OR51A7: variants seen among roughly 807,000 people sequenced by gnomAD.
OR51A7 encodes olfactory receptor family 51 subfamily A member 7.
For synonymous variants in OR51A7, 143 were observed against 135.5 expected, an observed-to-expected ratio of 1.05 and a Z score of -0.38; for missense variants, 409 against 374.5, an observed-to-expected ratio of 1.09 and a Z score of -0.76.
Position 4,908,792 on chromosome 11 carries a change from A to G in OR51A7, c.*484A>G, listed in dbSNP as rs548853256. 1.8e-5 allele frequency: 3 copies of G among 162,700 alleles called. No individual in the cohort carries two copies. Among genetic ancestry groups the G allele is most frequent in the East Asian group, 1.7e-4 (1 of 5,752 alleles). 10.1% of individuals were successfully genotyped at this position (162,700 alleles called of 1,614,324 possible). On this transcript the variant is annotated 3_prime_UTR_variant, in exon 2 of 2. Coordinates refer to ENST00000641490, the MANE Select transcript of OR51A7 (RefSeq NM_001004749.2). Reference sequence around the variant, plus strand: ...GTGAACCAGATTTTGGAGCACCTAAAAAAAGCTTTGAAAAGTCTAAATTCA... The same window carrying G: ...GTGAACCAGATTTTGGAGCACCTAAGAAAAGCTTTGAAAAGTCTAAATTCA...
chr11:4,907,090 C>G (rs953429347), intron 1 of OR51A7, among the ~76,000 whole-genome samples: 3 of 11,630 alleles, frequency 2.6e-4, no homozygotes, highest in African/African-American at 6.4e-4. Flanking sequence ...GAGCAAAACT[C>G]CCTCTAAAAA....
rs1850945176 is a variant in OR51A7, at chr11:4,908,677, G to T, written c.*369G>T. 1 of 286,028 alleles carries T rather than the reference G, an allele frequency of 3.5e-6. No homozygotes were observed. Among genetic ancestry groups the T allele is most frequent in the Non-Finnish European group, 6.7e-6 (1 of 148,828 alleles). 17.7% of individuals were successfully genotyped at this position (286,028 alleles called of 1,614,324 possible). On this transcript the variant is annotated 3_prime_UTR_variant, in exon 2 of 2. Transcript: ENST00000641490. ...ACAAAGTCTAATCTCATACTGTCAA[G>T]GAAAGGTAAAATAGCTATGAAGGAT... is the stretch of plus-strand genomic sequence containing the variant.
At position 4,907,387 on chromosome 11, in the gene OR51A7, C is replaced by G; in HGVS notation, c.18C>G (p.Asn6Lys). 1 of 1,612,586 alleles carries G rather than the reference C, an allele frequency of 6.2e-7. No individual in the cohort carries two copies. Among genetic ancestry groups the G allele is most frequent in the South Asian group, 1.1e-5 (1 of 91,040 alleles). ...CCCTCATTATGTCTGTTCTCAATAACTCCGAAGTCAAGCTTTTCCTTCTGA... is the reference window on the plus strand; with the variant it reads ...CCCTCATTATGTCTGTTCTCAATAAGTCCGAAGTCAAGCTTTTCCTTCTGA... MSVLN[N>K]SEVKLFLLIG... Residue 6 changes from asparagine (N) to lysine (K), a missense_variant, in exon 2 of 2, where the codon AAC becomes AAG. Coordinates refer to ENST00000641490, the MANE Select transcript of OR51A7 (RefSeq NM_001004749.2).
rs1323131285 is a variant in OR51A7, at chr11:4,908,364, C to G, written c.*56C>G. 7.0e-7 allele frequency: 1 copy of G among 1,435,176 alleles called. No individual in the cohort carries two copies. The highest frequency in any genetic ancestry group is 1.1e-5 in the South Asian group (1 of 87,108). 88.9% of individuals were successfully genotyped at this position (1,435,176 alleles called of 1,614,324 possible). A position where few individuals can be genotyped will look rare whatever the true frequency, so the allele number is the denominator to read the frequency against. On this transcript the variant is annotated 3_prime_UTR_variant, in exon 2 of 2. Coordinates refer to ENST00000641490, the MANE Select transcript of OR51A7 (RefSeq NM_001004749.2). ...ACCAGTAGGCATTTACTGTCATTTG[C>G]TATGTGCTTAATGCCATAGAAGTCA...
In OR51A7 at chr11:4,907,746, T is replaced by C. The variant is rs759179635; in HGVS notation, c.377T>C (p.Ile126Thr). The C allele has an allele frequency of 1.2e-6, 2 of 1,614,092 alleles. No individual in the cohort carries two copies. The highest frequency in any genetic ancestry group is 1.3e-5 in the African/African-American group (1 of 75,050). Residue 126 changes from isoleucine to threonine, a missense_variant, in exon 2 of 2, where the codon ATT becomes ACT. Physicochemically the swap from Ile to Thr is moderately conservative, Grantham distance 89 (BLOSUM62 -1). Transcript: ENST00000641490. Reference sequence around the variant, plus strand: ...ATGTCTTTGGACCGCTTTCTTGCCATTCACAATCCCTTAAGATACAGTTCT... The same window carrying C: ...ATGTCTTTGGACCGCTTTCTTGCCACTCACAATCCCTTAAGATACAGTTCT... Reference protein sequence around the residue: ...LIMSLDRFLAIHNPLRYSSIL... With the variant: ...LIMSLDRFLATHNPLRYSSIL...
chr11:4,907,173 A>G (rs1422663777), intron 1 of OR51A7, among the ~76,000 whole-genome samples, 166 bp from the exon 2 acceptor site: 1 of 151,508 alleles, frequency 6.6e-6, no homozygotes, highest in Non-Finnish European at 1.5e-5. Flanking sequence ...TGAATTTACC[A>G]TGCTGGAGAA....
chr11:4,907,909 T>G lies in OR51A7; in HGVS notation c.540T>G (p.Leu180=). Residue 180 remains leucine, a synonymous_variant, in exon 2 of 2, where the codon CTT becomes CTG. Coordinates refer to ENST00000641490, the MANE Select transcript of OR51A7 (RefSeq NM_001004749.2). Reference sequence around the variant, plus strand: ...ATCTTCTTTCTCACTCATACTGTCTTCATCAGGATACCATGAAGCTGGCCT... The same window carrying G: ...ATCTTCTTTCTCACTCATACTGTCTGCATCAGGATACCATGAAGCTGGCCT... ...QKNLLSHSYC[L]HQDTMKLACS... 1 of 1,614,094 alleles carries G rather than the reference T, an allele frequency of 6.2e-7. No homozygotes were observed. The highest frequency in any genetic ancestry group is 2.2e-5 in the East Asian group (1 of 44,874).
rs368566259 is a variant in OR51A7 at position 4,907,947 on chromosome 11, A to T, written c.578A>T (p.Lys193Met). The T allele has an allele frequency of 9.4e-5, 152 of 1,614,036 alleles. No individual in the cohort carries two copies. In the Middle Eastern group the frequency reaches 1.5e-3, roughly 16 times the overall value. The change falls in exon 2 of 2, where the codon AAG becomes ATG. Residue 193 changes from lysine to methionine, a missense_variant. Lys to Met is a moderately conservative substitution (Grantham distance 95). Transcript: ENST00000641490. ...DTMKLACSDN[K>M]TNVIYGFFIA... ...ATGAAGCTGGCCTGCTCTGACAACA[A>T]GACCAATGTCATCTATGGCTTCTTC...
In OR51A7 at chr11:4,907,329, A is replaced by G. The variant is rs367579428; in HGVS notation, c.-31-10A>G. The G allele has an allele frequency of 3.5e-5, 48 of 1,358,082 alleles. No individual in the cohort carries two copies. In the African/African-American group the frequency reaches 6.2e-4, roughly 18 times the overall value. The allele number at this position is 1,358,082 out of a possible 1,614,324, so 84.1% of individuals were successfully genotyped here. A position where few individuals can be genotyped will look rare whatever the true frequency, so the allele number is the denominator to read the frequency against. ...AAAAGCATGACTGCTTTTCATTTAT[A>G]TGGTTTCAGATCCGGCTAACGAGCT... is the stretch of plus-strand genomic sequence containing the variant. On this transcript the variant is annotated splice_polypyrimidine_tract_variant and intron_variant, in intron 1 of 1. Coordinates refer to ENST00000641490, the MANE Select transcript of OR51A7 (RefSeq NM_001004749.2).
At chr11:4,904,307 C>G (rs989109110) in intron 1 of OR51A7, among the ~76,000 whole-genome samples, 1 of 152,020 alleles carries the variant, frequency 6.6e-6, no homozygotes, top group Admixed American at 6.6e-5. Context: ...AGATTTAAAC[C>G]AAGGTGTTTG....
chr11:4,906,136 AGT>A (rs1850884588), intron 1 of OR51A7, among the ~76,000 whole-genome samples: 1 of 152,196 alleles, frequency 6.6e-6, no homozygotes, highest in Admixed American at 6.5e-5. Flanking sequence ...GTGAACCATA[AGT>A]GTTTAAGCGA....
In OR51A7 at chr11:4,907,426, A is replaced by G. The variant is rs555644363; in HGVS notation, c.57A>G (p.Gly19=). 44 of 1,613,886 alleles carry G rather than the reference A, an allele frequency of 2.7e-5. 1 individual carries two copies. In the East Asian group the frequency reaches 7.4e-4, roughly 27 times the overall value. The change falls in exon 2 of 2, where the codon GGA becomes GGG. Residue 19 remains glycine, a synonymous_variant. Coordinates refer to ENST00000641490, the MANE Select transcript of OR51A7 (RefSeq NM_001004749.2). ...VKLFLLIGIP[G]LEHAHIWFSI... ...TTTTCCTTCTGATTGGGATCCCAGG[A>G]CTGGAACATGCCCACATTTGGTTCT...
chr11:4,907,417 G>C lies in OR51A7; in HGVS notation c.48G>C (p.Gly16=). ...NSEVKLFLLI[G]IPGLEHAHIW... ...AAGTCAAGCTTTTCCTTCTGATTGG[G>C]ATCCCAGGACTGGAACATGCCCACA... Residue 16 remains glycine (G), a synonymous_variant, in exon 2 of 2, where the codon GGG becomes GGC. Transcript: ENST00000641490. The C allele has an allele frequency of 6.2e-7, 1 of 1,613,822 alleles. No individual in the cohort carries two copies. The highest frequency in any genetic ancestry group is 8.5e-7 in the Non-Finnish European group (1 of 1,179,964).
chr11:4,904,069 A>T (rs1341173328), intron 1 of OR51A7, among the ~76,000 whole-genome samples: 2 of 151,992 alleles, frequency 1.3e-5, no homozygotes, highest in Non-Finnish European at 2.9e-5. Context: ...AATATAAATT[A>T]CTCTTGTCCA....
intron 1 of OR51A7, among the ~76,000 whole-genome samples, chr11:4,904,567 T>G (rs1016120174): frequency 6.6e-6 from 1 of 152,132 alleles, no homozygotes; most frequent in African/African-American, 2.4e-5. Context: ...ACATTTTTAC[T>G]GTATGATTTC....
intron 1 of OR51A7, among the ~76,000 whole-genome samples, chr11:4,904,814 C>A (rs1475437600): frequency 6.6e-6 from 1 of 152,118 alleles, no homozygotes; most frequent in African/African-American, 2.4e-5. Context: ...TTCTTCCATT[C>A]ACATTTATTC....
rs200547969 is a variant in OR51A7, at chr11:4,908,121, A to G, written c.752A>G (p.Tyr251Cys). 228 of 1,614,060 alleles carry G rather than the reference A, an allele frequency of 1.4e-4. No individual in the cohort carries two copies. Among genetic ancestry groups the G allele is most frequent in the Non-Finnish European group, 1.8e-4 (216 of 1,180,040 alleles). The change falls in exon 2 of 2, where the codon TAT (tyrosine) becomes TGT (cysteine). Residue 251 changes from tyrosine to cysteine, a missense_variant. Physicochemically the swap from Tyr to Cys is radical, Grantham distance 194 (BLOSUM62 -2). Transcript: ENST00000641490. Reference protein sequence around the residue: ...VSHICAVLTFYVPIITLAAMH... With the variant: ...VSHICAVLTFCVPIITLAAMH... ...CACATCTGTGCTGTGCTCACCTTCT[A>G]TGTGCCCATCATCACCCTGGCTGCC...
chr11:4,907,328 T>A lies in OR51A7; in HGVS notation c.-31-11T>A. 1 of 1,356,818 alleles carries A rather than the reference T, an allele frequency of 7.4e-7. No homozygotes were observed. Among genetic ancestry groups the A allele is most frequent in the South Asian group, 1.2e-5 (1 of 81,170 alleles). 84.0% of individuals were successfully genotyped at this position (1,356,818 alleles called of 1,614,324 possible). On this transcript the variant is annotated splice_polypyrimidine_tract_variant and intron_variant, in intron 1 of 1. Coordinates refer to ENST00000641490, the MANE Select transcript of OR51A7 (RefSeq NM_001004749.2). Reference sequence around the variant, plus strand: ...CAAAAGCATGACTGCTTTTCATTTATATGGTTTCAGATCCGGCTAACGAGC... The same window carrying A: ...CAAAAGCATGACTGCTTTTCATTTAAATGGTTTCAGATCCGGCTAACGAGC...
Position 4,907,670 on chromosome 11 carries a change from G to T in OR51A7, c.301G>T (p.Glu101Ter), listed in dbSNP as rs1014503001. The T allele has an allele frequency of 1.9e-6, 3 of 1,613,934 alleles. No individual in the cohort carries two copies. The highest frequency in any genetic ancestry group is 2.5e-6 in the Non-Finnish European group (3 of 1,180,008). ...GISPNACFAQEFFIHGFTVME... is the reference protein window; with the variant it reads ...GISPNACFAQ ...TTCACCTAATGCCTGCTTTGCTCAA[G>T]AATTCTTCATTCATGGATTCACTGT... Residue 101 changes from glutamate to a stop codon, truncating the protein, a stop_gained, in exon 2 of 2, where the codon GAA becomes TAA. Coordinates refer to ENST00000641490, the MANE Select transcript of OR51A7 (RefSeq NM_001004749.2). LOFTEE classifies it low-confidence loss of function (END_TRUNC).
Sources: gnomAD v4.1 joint callset for allele counts (sites outside exome capture counted in the v4.1 genomes callset) on GRCh38, gnomAD v4.1.1 for gene constraint, MANE v1.5 for transcripts, NCBI Gene and HGNC (gene_info 2026-07-23, HGNC 2026-07-21) for gene names.